The following FAF1 variants were observed in gnomAD, a reference collection of about 807,000 sequenced individuals.
FAF1 encodes FAS-associated factor 1.
FAF1 carries 25 observed loss-of-function variants against 92.5 expected under a neutral mutation model. The ratio of observed to expected loss-of-function variants is 0.27; its 90% confidence interval spans 0.20 to 0.38. The LOEUF is 0.38. FAF1 is among the 10% of genes least tolerant of loss of function. The probability of loss-of-function intolerance (pLI) is 1.00; values close to 1 mark genes in which losing one functional copy is unlikely to be tolerated. For missense variants in FAF1, 636 were observed against 793.3 expected, an observed-to-expected ratio of 0.80 and a Z score of 2.38; for synonymous variants, 234 against 273.2, an observed-to-expected ratio of 0.86 and a Z score of 1.42.
At chr1:50,813,978 TAC>T (rs1643941874) in intron 2 of FAF1, among the ~76,000 whole-genome samples, 1 of 152,102 alleles carries the variant, frequency 6.6e-6, no homozygotes, top group Non-Finnish European at 1.5e-5. Flanking sequence ...CATATATATA[TAC>T]TATGTTTTTT....
chr1:50,704,131 A>G (rs1436025376), intron 7 of FAF1, among the ~76,000 whole-genome samples: 1 of 152,210 alleles, frequency 6.6e-6, no homozygotes, highest in Non-Finnish European at 1.5e-5. Flanking sequence ...AAATCAAACA[A>G]TAACTTGGCC....
chr1:50,745,490 T>C (rs2124497421), intron 4 of FAF1, among the ~76,000 whole-genome samples: 1 of 152,228 alleles, frequency 6.6e-6, no homozygotes, highest in Admixed American at 6.5e-5. Context: ...AAGTGAGGCC[T>C]GATGGGAGGT....
intron 7 of FAF1, among the ~76,000 whole-genome samples, chr1:50,680,177 AT>A (rs1292137239): frequency 6.6e-6 from 1 of 152,214 alleles, no homozygotes; most frequent in Non-Finnish European, 1.5e-5. Flanking sequence ...GAAGTACTGA[AT>A]TAATGTTTTA....
At chr1:50,774,606 A>C (rs1359198457) in intron 4 of FAF1, among the ~76,000 whole-genome samples, 3 of 152,198 alleles carry the variant, frequency 2.0e-5, no homozygotes, top group African/African-American at 7.2e-5. Flanking sequence ...AAATAATAAC[A>C]GACCTATTTT....
chr1:50,573,040 GAAAC>G (rs1231833525), intron 12 of FAF1, among the ~76,000 whole-genome samples: 1 of 151,786 alleles, frequency 6.6e-6, no homozygotes, highest in Non-Finnish European at 1.5e-5. Context: ...GCTATAAGTA[GAAAC>G]AAACAAACCA....
At chr1:50,733,159 A>C (rs1347538784) in intron 6 of FAF1, among the ~76,000 whole-genome samples, 1 of 152,192 alleles carries the variant, frequency 6.6e-6, no homozygotes, top group African/African-American at 2.4e-5. Flanking sequence ...GGCTTCATAA[A>C]TGTTAATTAC....
intron 2 of FAF1, among the ~76,000 whole-genome samples, chr1:50,812,135 T>C (rs902158014): frequency 6.6e-6 from 1 of 152,112 alleles, no homozygotes; most frequent in Non-Finnish European, 1.5e-5. Flanking sequence ...ATTCTGGACC[T>C]AAGTCCTGGC....
At chr1:50,657,398 TC>T (rs1655164323) in intron 7 of FAF1, among the ~76,000 whole-genome samples, 1 of 151,374 alleles carries the variant, frequency 6.6e-6, no homozygotes, top group Non-Finnish European at 1.5e-5. Flanking sequence ...CATCATATGT[TC>T]TATGTTAAGA....
intron 8 of FAF1, among the ~76,000 whole-genome samples, chr1:50,621,383 C>CTTTTTTT (rs1055594541): frequency 1.8e-5 from 2 of 110,732 alleles, no homozygotes; most frequent in African/African-American, 7.2e-5. Flanking sequence ...CCCGATCTTT[C>CTTTTTTT]TTTTTTTCTT....
At chr1:50,692,675 A>T (rs1048019340) in intron 7 of FAF1, among the ~76,000 whole-genome samples, 12 of 152,202 alleles carry the variant, frequency 7.9e-5, no homozygotes, top group Non-Finnish European at 1.5e-4. Flanking sequence ...ATCTCTATCC[A>T]TGTATTCACT....
chr1:50,446,355 C>G (rs1646227305), intron 18 of FAF1, among the ~76,000 whole-genome samples: 1 of 152,122 alleles, frequency 6.6e-6, no homozygotes, highest in Non-Finnish European at 1.5e-5. Flanking sequence ...GTAAAAATCC[C>G]AAATATTTCA....
chr1:50,746,640 T>C (rs1659634595), intron 4 of FAF1, among the ~76,000 whole-genome samples: 2 of 151,482 alleles, frequency 1.3e-5, no homozygotes, highest in African/African-American at 4.9e-5. Flanking sequence ...AGTGTAAAAG[T>C]TTGAAAAATT....
At chr1:50,811,539 A>G (rs1643912139) in intron 2 of FAF1, among the ~76,000 whole-genome samples, 1 of 152,218 alleles carries the variant, frequency 6.6e-6, no homozygotes, top group Non-Finnish European at 1.5e-5. Context: ...ATTACAAAAG[A>G]TTGCTCAAAG....
chr1:50,477,500 C>A (rs1646652923), intron 17 of FAF1, among the ~76,000 whole-genome samples: 1 of 151,916 alleles, frequency 6.6e-6, no homozygotes. Context: ...GCTTTTTTTT[C>A]AGTCACTTTT....
At chr1:50,915,922 C>T (rs12089041) in intron 1 of FAF1, among the ~76,000 whole-genome samples, 17,645 of 151,004 alleles carry the variant, frequency 0.12, 1,233 homozygotes, top group African/African-American at 0.2. Flanking sequence ...CTTTTTTTTT[C>T]CCCTAAAGCT....
At chr1:50,863,429 G>A (rs1233538597) in intron 1 of FAF1, among the ~76,000 whole-genome samples, 1 of 151,742 alleles carries the variant, frequency 6.6e-6, no homozygotes, top group East Asian at 1.9e-4. Flanking sequence ...AGCACAAATA[G>A]ACAATCTAAG....
chr1:50,731,063 G>C (rs1158190982), intron 6 of FAF1, among the ~76,000 whole-genome samples: 1 of 152,184 alleles, frequency 6.6e-6, no homozygotes, highest in Non-Finnish European at 1.5e-5. Flanking sequence ...AGAACAAAAG[G>C]TCAGGCTCCT....
At chr1:50,619,599 C>A (rs753131054) in intron 8 of FAF1, among the ~76,000 whole-genome samples, 6 of 152,182 alleles carry the variant, frequency 3.9e-5, no homozygotes, top group Non-Finnish European at 7.3e-5. Flanking sequence ...CACAGGCCTG[C>A]TGCTAATGGG....
chr1:50,490,146 G>C (rs1209729221), intron 17 of FAF1, among the ~76,000 whole-genome samples: 1 of 152,128 alleles, frequency 6.6e-6, no homozygotes, highest in African/African-American at 2.4e-5. Context: ...GATCACTTCA[G>C]GTCAGGAGTT....
Sources: allele counts gnomAD v4.1 joint callset (sites outside exome capture counted in the v4.1 genomes callset), GRCh38; gene constraint gnomAD v4.1.1; transcripts MANE v1.5; gene names NCBI Gene and HGNC (gene_info 2026-07-23, HGNC 2026-07-21).